Variants in RBPJ observed in about 807,000 individuals in gnomAD.
The protein encoded by RBPJ is recombining binding protein suppressor of hairless.
In RBPJ, 9 loss-of-function variants were observed where a neutral mutation model predicts 67.8. The ratio of observed to expected loss-of-function variants is 0.13; its 90% confidence interval spans 0.08 to 0.23. RBPJ has a LOEUF of 0.23. RBPJ is among the 10% of genes least tolerant of loss of function. The pLI is 1.00. For synonymous variants in RBPJ, 198 were observed against 203.3 expected (o/e 0.97, Z 0.22); for missense variants, 305 against 595.6 (o/e 0.51, Z 5.08).
At chr4:26,358,212 C>T (rs1727617196) in intron 1 of RBPJ, among the ~76,000 whole-genome samples, 1 of 151,982 alleles carries the variant, frequency 6.6e-6, no homozygotes, top group Non-Finnish European at 1.5e-5. Context: ...ATACGTTGTA[C>T]TGTGCAAATA....
chr4:26,369,686 G>C (rs1728965803), intron 1 of RBPJ, among the ~76,000 whole-genome samples: 1 of 152,096 alleles, frequency 6.6e-6, no homozygotes, highest in Non-Finnish European at 1.5e-5. Flanking sequence ...GACCAGATTT[G>C]GTTTGTTAGG....
At chr4:26,364,416 A>G (rs1418106800) in intron 1 of RBPJ, among the ~76,000 whole-genome samples, 2 of 152,192 alleles carry the variant, frequency 1.3e-5, no homozygotes, top group Non-Finnish European at 2.9e-5. Flanking sequence ...ATATTCTTGG[A>G]CATAATGGTT....
chr4:26,353,755 C>G (rs945321039), intron 1 of RBPJ, among the ~76,000 whole-genome samples: 9 of 150,688 alleles, frequency 6.0e-5, no homozygotes, highest in African/African-American at 1.7e-4. Context: ...ATTACAGGCA[C>G]CCACCACCAC....
chr4:26,316,673 C>T (rs12171450), upstream of RBPJ, among the ~76,000 whole-genome samples: 141 of 126,968 alleles, frequency 1.1e-3, no homozygotes, highest in African/African-American at 3.3e-3. Context: ...TATATATACA[C>T]ATATATATAT....
At chr4:26,409,285 G>A (rs936139511) in intron 3 of RBPJ, among the ~76,000 whole-genome samples, 12 of 151,888 alleles carry the variant, frequency 7.9e-5, no homozygotes, top group African/African-American at 1.7e-4. Flanking sequence ...TAAAAAATAC[G>A]GCCCGGCATG....
At chr4:26,180,219 G>A (rs1212916986) in intron 1 of RBPJ, among the ~76,000 whole-genome samples, 2 of 151,812 alleles carry the variant, frequency 1.3e-5, no homozygotes, top group East Asian at 1.9e-4. Context: ...AGTAACTATT[G>A]GGTACTAGGC....
chr4:26,395,921 A>G (rs899447165), intron 2 of RBPJ, among the ~76,000 whole-genome samples: 3 of 152,204 alleles, frequency 2.0e-5, no homozygotes, highest in African/African-American at 7.2e-5. Context: ...AGAAACTCTT[A>G]AAACAGTGTA....
At chr4:26,221,257 A>ATT (rs1346119089) in intron 1 of RBPJ, among the ~76,000 whole-genome samples, 2 of 151,860 alleles carry the variant, frequency 1.3e-5, no homozygotes, top group Non-Finnish European at 2.9e-5. Context: ...CGCCCGGCTA[A>ATT]TTTTTTGTAT....
intron 1 of RBPJ, among the ~76,000 whole-genome samples, chr4:26,230,407 C>T (rs115922293): frequency 0.016 from 2,434 of 152,286 alleles, 23 homozygotes; most frequent in Non-Finnish European, 0.025. Flanking sequence ...ATATGCTAGG[C>T]ATTGTTCCAA....
the RBPJ span, among the ~76,000 whole-genome samples, chr4:26,129,883 A>G: frequency 6.6e-6 from 1 of 151,808 alleles, no homozygotes; most frequent in Non-Finnish European, 1.5e-5. Flanking sequence ...TTTTTTTGAG[A>G]TGGAGTCTCT....
intron 1 of RBPJ, among the ~76,000 whole-genome samples, chr4:26,223,473 G>GT (rs1718982857): frequency 6.6e-6 from 1 of 152,224 alleles, no homozygotes. Flanking sequence ...CCTGAGAGCG[G>GT]TCTTGAAAAG....
At chr4:26,207,999 C>A (rs1346146809) in intron 1 of RBPJ, among the ~76,000 whole-genome samples, 1 of 152,278 alleles carries the variant, frequency 6.6e-6, no homozygotes, top group East Asian at 1.9e-4. Context: ...AATTGCCCTG[C>A]CAGATGGGCA....
chr4:26,108,495 G>A, the RBPJ span, among the ~76,000 whole-genome samples: 4 of 152,284 alleles, frequency 2.6e-5, no homozygotes, highest in East Asian at 7.7e-4. Flanking sequence ...GTCTGCGCTA[G>A]AGCCAGGTTG....
intron 1 of RBPJ, among the ~76,000 whole-genome samples, chr4:26,186,021 A>G (rs1717240581): frequency 6.6e-6 from 1 of 152,126 alleles, no homozygotes; most frequent in Non-Finnish European, 1.5e-5. Context: ...ACTCCAGCGT[A>G]GGCGACAAGA....
intron 1 of RBPJ, among the ~76,000 whole-genome samples, chr4:26,293,444 G>A (rs890019378): frequency 6.7e-6 from 1 of 149,766 alleles, no homozygotes; most frequent in African/African-American, 2.5e-5. Flanking sequence ...GGGCAGCCTG[G>A]GCAACATAGT....
chr4:26,305,448 A>G (rs926019381), intron 1 of RBPJ, among the ~76,000 whole-genome samples: 1 of 152,216 alleles, frequency 6.6e-6, no homozygotes, highest in African/African-American at 2.4e-5. Context: ...CTTTTGATCC[A>G]TAAACATGGG....
At chr4:26,404,060 T>C (rs1733127446) in intron 2 of RBPJ, among the ~76,000 whole-genome samples, 1 of 152,208 alleles carries the variant, frequency 6.6e-6, no homozygotes, top group South Asian at 2.1e-4. Flanking sequence ...ATTTTAGTAA[T>C]AGCCATTCTG....
chr4:26,345,063 G>T (rs527616393), intron 1 of RBPJ, among the ~76,000 whole-genome samples: 1 of 152,314 alleles, frequency 6.6e-6, no homozygotes, highest in African/African-American at 2.4e-5. Context: ...GTTCTTTTGT[G>T]TGGGACATGT....
At chr4:26,228,104 T>C (rs1426403970) in intron 1 of RBPJ, among the ~76,000 whole-genome samples, 1 of 152,204 alleles carries the variant, frequency 6.6e-6, no homozygotes, top group African/African-American at 2.4e-5. Context: ...ATTTCACCTT[T>C]CTTCTGGAAG....
Sources: allele counts gnomAD v4.1 joint callset (sites outside exome capture counted in the v4.1 genomes callset), GRCh38; gene constraint gnomAD v4.1.1; transcripts MANE v1.5; gene names NCBI Gene and HGNC (gene_info 2026-07-23, HGNC 2026-07-21).